The following WDFY4 variants were observed in gnomAD, a reference collection of about 807,000 sequenced individuals.
WDFY4 encodes the protein WD repeat- and FYVE domain-containing protein 4.
In WDFY4, 169 loss-of-function variants were observed where a neutral mutation model predicts 351.9. That is an observed-to-expected ratio of 0.48 (90% CI 0.42 to 0.55). WDFY4 has a LOEUF of 0.55. Among genes scored for constraint, WDFY4 ranks in the 20% least tolerant of loss-of-function variants. WDFY4 has a pLI of 0.00. For synonymous variants in WDFY4, 1,622 were observed against 1,574.6 expected, an observed-to-expected ratio of 1.03 and a Z score of -0.71; for missense variants, 3,803 against 3,935.6, an observed-to-expected ratio of 0.97 and a Z score of 0.90.
chr10:48,801,915 G>A (rs2067100266), intron 24 of WDFY4, among the ~76,000 whole-genome samples: 1 of 151,982 alleles, frequency 6.6e-6, no homozygotes. Flanking sequence ...TGACCCTATG[G>A]GTCACTATCT....
intron 47 of WDFY4, among the ~76,000 whole-genome samples, chr10:48,938,955 G>A (rs572761695): frequency 5.3e-5 from 8 of 152,272 alleles, no homozygotes; most frequent in African/African-American, 1.2e-4. Context: ...CCGGGTAACC[G>A]CCACAATCCT....
intron 58 of WDFY4, 37 bp from the exon 59 acceptor site, chr10:48,976,760 A>C (rs1322409107): frequency 7.6e-7 from 1 of 1,308,112 alleles, no homozygotes; most frequent in Non-Finnish European, 9.8e-7. Context: ...GCAGGCAGTG[A>C]CTCCAGCTTA....
At chr10:48,856,766 A>T (rs539019307) in intron 39 of WDFY4, among the ~76,000 whole-genome samples, 2 of 152,294 alleles carry the variant, frequency 1.3e-5, no homozygotes, top group South Asian at 4.1e-4. Flanking sequence ...CAGATAGCAT[A>T]TATGGGAAAT....
chr10:48,904,105 A>G (rs1014335840), intron 47 of WDFY4, among the ~76,000 whole-genome samples: 10 of 152,254 alleles, frequency 6.6e-5, no homozygotes, highest in African/African-American at 2.4e-4. Flanking sequence ...CATGAGAGTC[A>G]TTGATGACCT....
At chr10:48,911,959 G>A (rs1838045326) in intron 47 of WDFY4, among the ~76,000 whole-genome samples, 1 of 152,216 alleles carries the variant, frequency 6.6e-6, no homozygotes, top group African/African-American at 2.4e-5. Context: ...GACAATGTGA[G>A]GAGAAAATAA....
In WDFY4 at chr10:48,790,859, C is replaced by T. The variant is rs143976297; in HGVS notation, c.4199C>T (p.Ser1400Leu). The stretch of plus-strand genomic sequence containing the variant: ...TATGCGGCTGTGAAAGTTCTGCACT[C>T]GGTCCTGACCAGTAATGCCATGTGT... ...TMYAAVKVLH[S>L]VLTSNAMCDF... Residue 1400 changes from serine (S) to leucine (L), a missense_variant, in exon 23 of 62, where the codon TCG becomes TTG. Coordinates refer to ENST00000325239, the MANE Select transcript of WDFY4 (RefSeq NM_001394531.1). 683 of 1,551,760 alleles carry T rather than the reference C, an allele frequency of 4.4e-4. 1 individual carries two copies. Among genetic ancestry groups the T allele is most frequent in the African/African-American group, 3.6e-3 (267 of 73,166 alleles).
At chr10:48,936,902 C>T (rs1840407461) in intron 47 of WDFY4, among the ~76,000 whole-genome samples, 1 of 146,864 alleles carries the variant, frequency 6.8e-6, no homozygotes, top group African/African-American at 2.5e-5. Context: ...CTGGCAGTAA[C>T]TTTGTATTGT....
chr10:48,914,099 C>T (rs1417555056), intron 47 of WDFY4: 8 of 1,614,194 alleles, frequency 5.0e-6, no homozygotes, highest in Middle Eastern at 3.3e-4. Context: ...TGATGCAATT[C>T]CTGGCCACCT....
In WDFY4 at chr10:48,887,640, G is replaced by A. The variant is rs150528929; in HGVS notation, c.7168-2939G>A. ...AAAAAATACAAAAAATTAGCCGGGC[G>A]TGGTGGTGGGTGCCTGTAGTCCCAG... On this transcript the variant is annotated intron_variant, in intron 43 of 61. Transcript: ENST00000325239. Among the ~76,000 whole-genome samples, 1,307 of 152,190 alleles carry A rather than the reference G, an allele frequency of 8.6e-3. 20 individuals are homozygous for A. The highest frequency in any genetic ancestry group is 0.03 in the African/African-American group (1,234 of 41,500).
rs151002695 is a variant in WDFY4 at position 48,729,528 on chromosome 10, G to T, written c.1068G>T (p.Lys356Asn). 4.6e-5 allele frequency: 72 copies of T among 1,551,738 alleles called. No individual in the cohort carries two copies. The highest frequency in any genetic ancestry group is 6.0e-5 in the Non-Finnish European group (69 of 1,147,002). The change falls in exon 8 of 62, where the codon AAG becomes AAT. Residue 356 changes from lysine to asparagine, a missense_variant. By Grantham distance (94) the Lys-to-Asn change is moderately conservative (BLOSUM62 0). This residue lies in a region of WDFY4 where 488 missense variants were observed against 456.8 expected (regional missense o/e 1.07). Coordinates refer to ENST00000325239, the MANE Select transcript of WDFY4 (RefSeq NM_001394531.1). ...CAACCTGTGGGAGGTCAGAGCTGAAGGTGTTTGACAGCATCACTTACCCTC... is the reference window on the plus strand; with the variant it reads ...CAACCTGTGGGAGGTCAGAGCTGAATGTGTTTGACAGCATCACTTACCCTC... ...WLTTCGRSEL[K>N]VFDSITYPQL...
rs143585509 is a variant in WDFY4, at chr10:48,714,748, T to G, written c.234+4782T>G. Among the ~76,000 whole-genome samples, 329 of 152,266 alleles carry G rather than the reference T, an allele frequency of 2.2e-3. 2 individuals carry two copies. Among genetic ancestry groups the G allele is most frequent in the Middle Eastern group, 6.8e-3 (2 of 294 alleles). On this transcript the variant is annotated intron_variant, in intron 2 of 61. Transcript: ENST00000325239. The stretch of plus-strand genomic sequence containing the variant: ...CTTTGAGAGAAAGCAGAAAGTAAAA[T>G]AGAGAATCCTCAGCAATTAATGCAA...
rs539006602 is a variant in WDFY4 at position 48,775,831 on chromosome 10, C to T, written c.2863+25C>T. Reference sequence around the variant, plus strand: ...GGTGAGGACAGTGGCAAGAACGGGGCAGGTTAATGGGAAGTAAAAGATGAT... The same window carrying T: ...GGTGAGGACAGTGGCAAGAACGGGGTAGGTTAATGGGAAGTAAAAGATGAT... On this transcript the variant is annotated intron_variant, in intron 15 of 61. Transcript: ENST00000325239. 3.7e-4 allele frequency: 571 copies of T among 1,537,452 alleles called. 7 individuals carry two copies. In the South Asian group the frequency reaches 6.3e-3, roughly 17 times the overall value.
chr10:48,729,491 T>A lies in WDFY4; in HGVS notation c.1031T>A (p.Val344Glu). ...DPHLEELLGL[V>E]VWLTTCGRSE... ...CATCTGGAGGAGCTCCTTGGGCTGG[T>A]GGTGTGGCTGACAACCTGTGGGAGG... is the stretch of plus-strand genomic sequence containing the variant. Residue 344 changes from valine (V) to glutamate (E), a missense_variant, in exon 8 of 62, where the codon GTG (valine) becomes GAG (glutamate). By Grantham distance (121) the Val-to-Glu change is moderately radical. Transcript: ENST00000325239. 1 of 1,551,626 alleles carries A rather than the reference T, an allele frequency of 6.4e-7. No individual in the cohort carries two copies. The highest frequency in any genetic ancestry group is 8.7e-7 in the Non-Finnish European group (1 of 1,146,978).
At chr10:48,935,454 T>A (rs1489549464) in intron 47 of WDFY4, among the ~76,000 whole-genome samples, 4 of 152,250 alleles carry the variant, frequency 2.6e-5, no homozygotes, top group Admixed American at 6.5e-5. Context: ...AGAGCCCCTG[T>A]CTATGGCAAC....
chr10:48,736,890 C>T (rs1565145810), intron 11 of WDFY4, among the ~76,000 whole-genome samples: 1 of 152,180 alleles, frequency 6.6e-6, no homozygotes. Flanking sequence ...CACAAAGGGA[C>T]AAGTGAGGCA....
intron 27 of WDFY4, among the ~76,000 whole-genome samples, chr10:48,807,518 A>G (rs2067299754): frequency 6.6e-6 from 1 of 152,250 alleles, no homozygotes; most frequent in Admixed American, 6.5e-5. Flanking sequence ...TACTTGCATA[A>G]TATCAGTGCA....
intron 13 of WDFY4, among the ~76,000 whole-genome samples, chr10:48,772,729 C>A (rs1332798993): frequency 2.0e-5 from 3 of 146,726 alleles, no homozygotes; most frequent in South Asian, 4.4e-4. Flanking sequence ...CCAGAGTGTG[C>A]TATTCCCCTT....
intron 39 of WDFY4, among the ~76,000 whole-genome samples, chr10:48,856,091 G>A (rs2069123814): frequency 6.6e-6 from 1 of 152,068 alleles, no homozygotes; most frequent in Admixed American, 6.5e-5. Context: ...ATTGTTTTAT[G>A]TTTTTGAAAA....
intron 27 of WDFY4, 50 bp downstream of exon 27, chr10:48,806,145 C>A: frequency 6.6e-7 from 1 of 1,517,626 alleles, no homozygotes; most frequent in Non-Finnish European, 9.0e-7. Flanking sequence ...CCTCACGGAA[C>A]CCCTGAGAGG....
Sources: gnomAD v4.1 joint callset for allele counts (sites outside exome capture counted in the v4.1 genomes callset) on GRCh38, gnomAD v4.1.1 for gene constraint, gnomAD v4.1.1 regional missense constraint, MANE v1.5 for transcripts, NCBI Gene and HGNC (gene_info 2026-07-23, HGNC 2026-07-21) for gene names.